The following ARAP2 variants were observed in gnomAD, a reference collection of about 807,000 sequenced individuals.
ARAP2 encodes arf-GAP with Rho-GAP domain, ANK repeat and PH domain-containing protein 2.
In ARAP2, 148 loss-of-function variants were observed where a neutral mutation model predicts 194.5. The ratio of observed to expected loss-of-function variants is 0.76; its 90% CI spans 0.67 to 0.87. The LOEUF is 0.87. ARAP2 is among the 40% of genes least tolerant of loss of function. ARAP2 has a pLI of 0.00. For synonymous variants in ARAP2, 695 were observed against 683.5 expected (o/e 1.02, Z -0.26); for missense variants, 2,128 against 1,989.7 (o/e 1.07, Z -1.32).
At chr4:36,238,562 G>A (rs1409406516) in intron 1 of ARAP2, among the ~76,000 whole-genome samples, 1 of 152,122 alleles carries the variant, frequency 6.6e-6, no homozygotes, top group African/African-American at 2.4e-5. Context: ...GTTCATAAGG[G>A]CTTATATTCA....
At chr4:36,110,561 G>A (rs941992749) in intron 26 of ARAP2, among the ~76,000 whole-genome samples, 2 of 151,852 alleles carry the variant, frequency 1.3e-5, no homozygotes, top group African/African-American at 4.8e-5. Context: ...TTAAGGTAAA[G>A]CATTAAAATA....
chr4:36,201,220 G>A (rs1428952322), intron 6 of ARAP2, among the ~76,000 whole-genome samples: 1 of 152,132 alleles, frequency 6.6e-6, no homozygotes, highest in Non-Finnish European at 1.5e-5. Context: ...CAGAGGCAGT[G>A]GTTGCTTAAA....
chr4:36,206,464 T>C (rs1442669137), intron 6 of ARAP2, among the ~76,000 whole-genome samples: 1 of 152,188 alleles, frequency 6.6e-6, no homozygotes, highest in Non-Finnish European at 1.5e-5. Context: ...TACATCTAGA[T>C]ATCACCTCTA....
rs114538336 is a variant in ARAP2, at chr4:36,195,106, A to G, written c.1488-1459T>C. Among the ~76,000 whole-genome samples, 847 of 152,190 alleles carry G rather than the reference A, an allele frequency of 5.6e-3. 2 individuals are homozygous for G. Among genetic ancestry groups the G allele is most frequent in the Middle Eastern group, 0.024 (7 of 294 alleles). ...CATTTGAGCCCAGGAGGTGGAAGCT[A>G]CAGTGAGTTACGACTGCACCACTGT... On this transcript the variant is annotated intron_variant, in intron 6 of 32. Coordinates refer to ENST00000303965, the MANE Select transcript of ARAP2 (RefSeq NM_015230.4).
intron 1 of ARAP2, among the ~76,000 whole-genome samples, chr4:36,241,700 T>C (rs1753540727): frequency 6.6e-6 from 1 of 152,164 alleles, no homozygotes; most frequent in Non-Finnish European, 1.5e-5. Context: ...TTGCAAAGAA[T>C]TTGATATATT....
At chr4:36,231,455 G>A (rs1415412740) in intron 1 of ARAP2, among the ~76,000 whole-genome samples, 1 of 152,104 alleles carries the variant, frequency 6.6e-6, no homozygotes, top group Non-Finnish European at 1.5e-5. Context: ...TTTGCAACAA[G>A]TGTATTGTCT....
At position 36,082,273 on chromosome 4, in the gene ARAP2, C is replaced by T. The variant is rs141152965; in HGVS notation, c.4522G>A (p.Ala1508Thr). ...TACCAGTGATGTTTCTCAGAATATGCGGTCAATCCCCAGCTGCATCACATA... is the reference window on the plus strand; with the variant it reads ...TACCAGTGATGTTTCTCAGAATATGTGGTCAATCCCCAGCTGCATCACATA... The part of the protein sequence containing the change: ...MKPPTSWGLT[A>T]YSEKHHWHLC... Residue 1508 changes from alanine to threonine, a missense_variant, in exon 30 of 33, where the codon GCA becomes ACA. Coordinates refer to ENST00000303965, the MANE Select transcript of ARAP2 (RefSeq NM_015230.4). 5.3e-4 allele frequency: 848 copies of T among 1,610,060 alleles called. 1 individual carries two copies. The highest frequency in any genetic ancestry group is 1.0e-3 in the Middle Eastern group (6 of 6,028).
chr4:36,034,903 A>G (rs1184839017), intron 5 of ARAP2, among the ~76,000 whole-genome samples: 1 of 152,044 alleles, frequency 6.6e-6, no homozygotes, highest in Non-Finnish European at 1.5e-5. Flanking sequence ...ATTGATTTGC[A>G]TATGTTGAAC....
intron 17 of ARAP2, 71 bp downstream of exon 17, chr4:36,148,334 T>C: frequency 8.6e-7 from 1 of 1,162,998 alleles, no homozygotes; most frequent in Non-Finnish European, 1.2e-6. Flanking sequence ...CATGGACCCC[T>C]GAAGCTCAAA....
rs34229260 is a variant in ARAP2 at position 36,079,173 on chromosome 4, C to CAAA, written c.4608+1040_4608+1042dup. On this transcript the variant is annotated intron_variant, in intron 31 of 32. Coordinates refer to ENST00000303965, the MANE Select transcript of ARAP2 (RefSeq NM_015230.4). The stretch of plus-strand genomic sequence containing the variant: ...TGGGCAACAGAGCAAGACTCTGTCT[C>CAAA]AAAAAAAAAAAAAAAAAAAAAAAGT... Among the ~76,000 whole-genome samples, 214 of 77,422 alleles carry CAAA rather than the reference C, an allele frequency of 2.8e-3. 3 individuals are homozygous for CAAA. The highest frequency in any genetic ancestry group is 7.9e-3 in the African/African-American group (148 of 18,692). 50.8% of individuals were successfully genotyped at this position (77,422 alleles called of 152,430 possible).
intron 28 of ARAP2, among the ~76,000 whole-genome samples, chr4:36,090,024 A>G (rs1713130343): frequency 6.6e-6 from 1 of 152,040 alleles, no homozygotes; most frequent in South Asian, 2.1e-4. Flanking sequence ...AGCTTGACTA[A>G]TAAAGAAGAG....
chr4:36,091,909 C>T lies in ARAP2; in HGVS notation c.4397G>A (p.Gly1466Glu), dbSNP rs373281679. 1.6e-5 allele frequency: 26 copies of T among 1,604,888 alleles called. No homozygotes were observed. The African/African-American group carries it at 2.9e-4, about 18-fold the overall frequency. The change falls in exon 28 of 33, where the codon GGG becomes GAG. Residue 1466 changes from glycine to glutamate, a missense_variant. Physicochemically the swap from Gly to Glu is moderately conservative, Grantham distance 98. Coordinates refer to ENST00000303965, the MANE Select transcript of ARAP2 (RefSeq NM_015230.4). ...CACATCCTTGTAAAGAAAGAGAAAC[C>T]CATCTCGTAAAACAAAATACCGGTC... is the stretch of plus-strand genomic sequence containing the variant. ...FQDRYFVLRDGFLFLYKDVKS... is the reference protein window; with the variant it reads ...FQDRYFVLRDEFLFLYKDVKS...
intron 32 of ARAP2, among the ~76,000 whole-genome samples, chr4:36,072,028 T>C (rs1727100533): frequency 6.6e-6 from 1 of 152,152 alleles, no homozygotes; most frequent in Non-Finnish European, 1.5e-5. Flanking sequence ...AAATGGTTAG[T>C]TATTTTGTAA....
chr4:36,068,859 T>A (rs191438296), intron 32 of ARAP2, among the ~76,000 whole-genome samples: 3 of 152,342 alleles, frequency 2.0e-5, no homozygotes, highest in Non-Finnish European at 4.4e-5. Context: ...TGTAACCCCA[T>A]CATAAGTTGA....
chr4:36,046,753 GCTTTT>G (rs111588029), exon 4 of ARAP2: 2 of 152,002 alleles, frequency 1.3e-5, no homozygotes, highest in Non-Finnish European at 1.5e-5. Context: ...AGAAGTGTAA[GCTTTT>G]CTTTTCTTTT....
intron 28 of ARAP2, among the ~76,000 whole-genome samples, chr4:36,090,678 A>G (rs190359256): frequency 1.3e-5 from 2 of 152,220 alleles, no homozygotes; most frequent in Non-Finnish European, 2.9e-5. Context: ...CAAATAACGC[A>G]TGTTCTTACT....
At chr4:36,228,374 G>C (rs1196448252) in intron 2 of ARAP2, among the ~76,000 whole-genome samples, 1 of 152,116 alleles carries the variant, frequency 6.6e-6, no homozygotes, top group Non-Finnish European at 1.5e-5. Context: ...ATAGGGAAAA[G>C]CTAAAGAGTC....
At chr4:36,092,362 C>T (rs1713939861) in intron 27 of ARAP2, among the ~76,000 whole-genome samples, 1 of 152,116 alleles carries the variant, frequency 6.6e-6, no homozygotes, top group African/African-American at 2.4e-5. Flanking sequence ...GTAATCCTAG[C>T]ACTTTGGGAG....
chr4:36,013,798 T>C (rs2136808), intron 8 of ARAP2, among the ~76,000 whole-genome samples: 150,355 of 152,288 alleles, frequency 0.99, 74,232 homozygotes, highest in East Asian at 1. Flanking sequence ...AACATATATA[T>C]GACAGAATCC....
Sources: gnomAD v4.1 joint callset for allele counts (sites outside exome capture counted in the v4.1 genomes callset) on GRCh38, gnomAD v4.1.1 for gene constraint, MANE v1.5 for transcripts, NCBI Gene and HGNC (gene_info 2026-07-23, HGNC 2026-07-21) for gene names.